The following GIPR variants were observed in gnomAD, a reference collection of about 807,000 sequenced individuals.
The protein encoded by GIPR is GIP-R.
In GIPR, 74 loss-of-function variants were observed where a neutral mutation model predicts 62.2. The ratio of observed to expected loss-of-function variants is 1.19; its 90% CI spans 0.99 to 1.44. The LOEUF is 1.44. GIPR is among the 40% of genes most tolerant of loss of function. GIPR has a pLI of 0.00. For synonymous variants in GIPR, 256 were observed against 262.2 expected (o/e 0.98, Z 0.23); for missense variants, 664 against 611.8 (o/e 1.09, Z -0.90).
rs1174215903 is a variant in GIPR at position 45,674,823 on chromosome 19, C to A, written c.630C>A (p.Asn210Lys). ...YLGDQALALW[N>K]QALAACRTAQ... ...GGGACCAGGCCCTTGCGCTGTGGAACCAGGTGGGCATCCTCCTTCCGTTCC... is the reference window on the plus strand; with the variant it reads ...GGGACCAGGCCCTTGCGCTGTGGAAACAGGTGGGCATCCTCCTTCCGTTCC... Residue 210 changes from asparagine to lysine, a missense_variant, in exon 7 of 14, where the codon AAC (asparagine) becomes AAA (lysine). Coordinates refer to ENST00000590918, the MANE Select transcript of GIPR (RefSeq NM_000164.4). 7 of 1,613,724 alleles carry A rather than the reference C, an allele frequency of 4.3e-6. No homozygotes were observed. Among genetic ancestry groups the A allele is most frequent in the Non-Finnish European group, 5.9e-6 (7 of 1,179,820 alleles).
At chr19:45,674,399 G>C (rs1249078573) in intron 6 of GIPR, 5 of 648,224 alleles carry the variant, frequency 7.7e-6, no homozygotes, top group Non-Finnish European at 1.4e-5. Flanking sequence ...CTTGAGCCCA[G>C]GAGTTTGAGA....
chr19:45,676,742 A>T (rs558544692), intron 7 of GIPR, among the ~76,000 whole-genome samples: 5 of 152,164 alleles, frequency 3.3e-5, no homozygotes, highest in African/African-American at 1.2e-4. Flanking sequence ...CCAGATACCA[A>T]TTGTTAAGGG....
At chr19:45,677,173 G>C in intron 8 of GIPR, 65 bp downstream of exon 8, 2 of 1,561,584 alleles carry the variant, frequency 1.3e-6, no homozygotes, top group Non-Finnish European at 1.8e-6. Context: ...CAACTGCCCT[G>C]CTGGTTGGCC....
chr19:45,671,355 T>A lies in GIPR; in HGVS notation c.243T>A (p.Arg81=). 6.2e-7 allele frequency: 1 copy of A among 1,612,240 alleles called. No homozygotes were observed. ...WDYAAPNATA[R]ASCPWYLPWH... ...ATGCTGCACCCAATGCCACTGCCCG[T>A]GCGTCCTGCCCCTGGTACCTGCCCT... Residue 81 remains arginine, a synonymous_variant, in exon 4 of 14, where the codon CGT becomes CGA. Coordinates refer to ENST00000590918, the MANE Select transcript of GIPR (RefSeq NM_000164.4).
chr19:45,669,365 C>A, intron 1 of GIPR, 112 bp from the exon 2 acceptor site: 1 of 1,048,208 alleles, frequency 9.5e-7, no homozygotes, highest in Non-Finnish European at 1.4e-6. Context: ...CGGAGTCCCG[C>A]GTGTATACGG....
chr19:45,681,556 CA>C (rs765201869), intron 12 of GIPR, 47 bp from the exon 13 acceptor site: 1 of 1,561,318 alleles, frequency 6.4e-7, no homozygotes, highest in Admixed American at 1.7e-5. Context: ...GAGGCGGTTA[CA>C]GTCCTGCCCC....
In GIPR at chr19:45,669,603, G is replaced by A. The variant is rs749103774; in HGVS notation, c.72+11G>A. 1.3e-6 allele frequency: 2 copies of A among 1,568,842 alleles called. No individual in the cohort carries two copies. The highest frequency in any genetic ancestry group is 1.2e-5 in the South Asian group (1 of 86,030). ...CTCCAGAGGGCGGAGGTGAGGAAGC[G>A]AGGAGCCAGAGGAGCTCCAGGCTTG... is the stretch of plus-strand genomic sequence containing the variant. On this transcript the variant is annotated intron_variant, in intron 2 of 13. Coordinates refer to ENST00000590918, the MANE Select transcript of GIPR (RefSeq NM_000164.4).
At chr19:45,670,523 C>T in intron 2 of GIPR, 112 bp from the exon 3 acceptor site, 1 of 698,470 alleles carries the variant, frequency 1.4e-6, no homozygotes, top group Non-Finnish European at 2.5e-6. Context: ...GACTCCCGAA[C>T]AACACGCAAC....
intron 12 of GIPR, 96 bp from the exon 13 acceptor site, chr19:45,681,508 A>G (rs1271191562): frequency 4.5e-6 from 5 of 1,114,460 alleles, no homozygotes; most frequent in Non-Finnish European, 6.8e-6. Context: ...AAAAACAAAC[A>G]AACAAACAAA....
intron 7 of GIPR, 121 bp downstream of exon 7, chr19:45,674,947 C>G: frequency 9.7e-7 from 1 of 1,035,330 alleles, no homozygotes; most frequent in Non-Finnish European, 1.5e-6. Context: ...GGGAGGGTCC[C>G]TCTCCAAATG....
At chr19:45,669,186 G>A in intron 1 of GIPR, among the ~76,000 whole-genome samples, 1 of 152,054 alleles carries the variant, frequency 6.6e-6, no homozygotes, top group East Asian at 1.9e-4. Flanking sequence ...GCAACCGCCC[G>A]CTCAGCAAAC....
In GIPR at chr19:45,681,737, G is replaced by C. The variant is rs1430167621; in HGVS notation, c.1203G>C (p.Ser401=). ...GCGCCATCGTCTCACAGGTGCAGTCGGAGATCCGCCGTGGCTGGCACCACT... is the reference window on the plus strand; with the variant it reads ...GCGCCATCGTCTCACAGGTGCAGTCCGAGATCCGCCGTGGCTGGCACCACT... The part of the protein sequence containing the change: ...LYCFINKEVQ[S]EIRRGWHHCR... Residue 401 remains serine, a synonymous_variant, in exon 14 of 14, where the codon TCG becomes TCC. Transcript: ENST00000590918. 7.5e-6 allele frequency: 12 copies of C among 1,610,458 alleles called. No homozygotes were observed. Among genetic ancestry groups the C allele is most frequent in the African/African-American group, 1.3e-5 (1 of 74,856 alleles).
At chr19:45,675,388 A>G in intron 7 of GIPR, 1 of 156,102 alleles carries the variant, frequency 6.4e-6, no homozygotes. Context: ...CAGCCTGGCC[A>G]ATATGGTGAA....
intron 6 of GIPR, 77 bp from the exon 7 acceptor site, chr19:45,674,605 T>TAAA: frequency 8.7e-7 from 1 of 1,154,060 alleles, no homozygotes; most frequent in African/African-American, 1.6e-5. Flanking sequence ...AGACCCTGTT[T>TAAA]AAAAAAAAAA....
intron 4 of GIPR, among the ~76,000 whole-genome samples, chr19:45,671,911 C>A (rs1448070074): frequency 1.3e-5 from 2 of 151,586 alleles, no homozygotes; most frequent in Admixed American, 1.3e-4. Flanking sequence ...CATGAGCCAC[C>A]GCGCCCGGCC....
In GIPR at chr19:45,682,474, G is replaced by A. The variant is rs1308931918; in HGVS notation, c.*539G>A. On this transcript the variant is annotated 3_prime_UTR_variant, in exon 14 of 14. Transcript: ENST00000590918. ...AAAATGAGGATGTCACTCTTACCCA[G>A]GTTGGTCTTGAACTCCTGGGCTCAA... The A allele has an allele frequency of 6.5e-6, 1 of 153,260 alleles. No homozygotes were observed. The highest frequency in any genetic ancestry group is 1.5e-5 in the Non-Finnish European group (1 of 68,766). 9.5% of individuals were successfully genotyped at this position (153,260 alleles called of 1,614,324 possible). A position where few individuals can be genotyped will look rare whatever the true frequency, so the allele number is the denominator to read the frequency against.
chr19:45,669,311 C>A (rs2302382), intron 1 of GIPR, among the ~76,000 whole-genome samples, 166 bp from the exon 2 acceptor site: 26,819 of 152,206 alleles, frequency 0.18, 2,669 homozygotes, highest in South Asian at 0.25. Flanking sequence ...CTCCCTCCCC[C>A]CAGATCATCA....
Position 45,671,119 on chromosome 19 carries a change from C to T in GIPR, c.173-166C>T, listed in dbSNP as rs13306400. On this transcript the variant is annotated intron_variant, in intron 3 of 13. Transcript: ENST00000590918. The stretch of plus-strand genomic sequence containing the variant: ...CTGGTGGGAGGAGCTTGTGGCCGAG[C>T]CGGGACGGAACGCCCTCCGAGTGGG... Among the ~76,000 whole-genome samples the T allele has an allele frequency of 9.2e-5, 14 of 151,916 alleles. No individual in the cohort carries two copies. In the East Asian group the frequency reaches 2.7e-3, roughly 30 times the overall value.
rs1568517516 is a variant in GIPR at position 45,671,309 on chromosome 19, A to ATATG, written c.200_203dup (p.Cys70ArgfsTer38). The stretch of plus-strand genomic sequence containing the variant: ...GGCCTCGCCTGTAACGGGTCCTTCG[A>ATATG]TATGTACGTCTGCTGGGACTATGCT... On this transcript the variant is annotated frameshift_variant, in exon 4 of 14. Transcript: ENST00000590918. LOFTEE classifies it high-confidence loss of function. 6.2e-7 allele frequency: 1 copy of ATATG among 1,612,340 alleles called. No individual in the cohort carries two copies. The highest frequency in any genetic ancestry group is 1.3e-5 in the African/African-American group (1 of 74,874).
Sources: allele counts gnomAD v4.1 joint callset (sites outside exome capture counted in the v4.1 genomes callset), GRCh38; gene constraint gnomAD v4.1.1; transcripts MANE v1.5; gene names NCBI Gene and HGNC (gene_info 2026-07-23, HGNC 2026-07-21).